Variants in HPGD observed in about 807,000 individuals in gnomAD.
HPGD encodes 15-hydroxyprostaglandin dehydrogenase [NAD(+)].
HPGD carries 29 observed loss-of-function variants against 30.0 expected under a neutral mutation model. The ratio of observed to expected loss-of-function variants is 0.97; its 90% confidence interval spans 0.72 to 1.32. The LOEUF (loss-of-function observed/expected upper bound fraction) is 1.32. Among genes scored for constraint, HPGD ranks in the 40% most tolerant of loss-of-function variants. The pLI, the probability that HPGD is intolerant of heterozygous loss-of-function variation, is 0.00. For missense variants in HPGD, 340 were observed against 322.1 expected (o/e 1.06, Z -0.43); for synonymous variants, 99 against 112.4 (o/e 0.88, Z 0.75).
At chr4:174,507,427 C>A (rs1269668201) in intron 4 of HPGD, 1 of 152,034 alleles carries the variant, frequency 6.6e-6, no homozygotes, top group East Asian at 1.9e-4. Context: ...TATAAAAGAA[C>A]CATTTGATAA....
intron 4 of HPGD, among the ~76,000 whole-genome samples, chr4:174,497,820 C>T (rs1734708609): frequency 6.6e-6 from 1 of 151,840 alleles, no homozygotes; most frequent in Non-Finnish European, 1.5e-5. Context: ...TCATGATCCA[C>T]CTGCCTTGGC....
rs560846242 is a variant in HPGD, at chr4:174,493,394, A to G, written c.499-80T>C. The G allele has an allele frequency of 8.7e-6, 12 of 1,380,040 alleles. No individual in the cohort carries two copies. The East Asian group carries it at 2.8e-4, about 32-fold the overall frequency. The allele number at this position is 1,380,040 out of a possible 1,614,324, so 85.5% of individuals were successfully genotyped here. On this transcript the variant is annotated intron_variant, in intron 5 of 6. Coordinates refer to ENST00000296522, the MANE Select transcript of HPGD (RefSeq NM_000860.6). ...CAAACTGATCATTAAAGCATCTTACAATTTTCTGATGTAAAAAATACTAAT... is the reference window on the plus strand; with the variant it reads ...CAAACTGATCATTAAAGCATCTTACGATTTTCTGATGTAAAAAATACTAAT...
intron 4 of HPGD, among the ~76,000 whole-genome samples, chr4:174,501,015 C>T (rs1734874585): frequency 6.6e-6 from 1 of 152,156 alleles, no homozygotes; most frequent in African/African-American, 2.4e-5. Context: ...CCTTGGCAAA[C>T]TGGACTGTTT....
chr4:174,504,291 T>A (rs188053178), intron 4 of HPGD, among the ~76,000 whole-genome samples: 33 of 152,292 alleles, frequency 2.2e-4, no homozygotes, highest in African/African-American at 7.5e-4. Flanking sequence ...TGCCACTGGG[T>A]TGTTACTTAA....
chr4:174,508,052 C>T (rs1337098741), intron 4 of HPGD: 5 of 692,200 alleles, frequency 7.2e-6, no homozygotes, highest in Non-Finnish European at 1.1e-5. Context: ...CATGCCTCCT[C>T]CATGTTCTTC....
At chr4:174,499,105 T>G (rs1425378764) in intron 4 of HPGD, among the ~76,000 whole-genome samples, 1 of 152,186 alleles carries the variant, frequency 6.6e-6, no homozygotes, top group Non-Finnish European at 1.5e-5. Flanking sequence ...TCCATGTGCT[T>G]CAAATAAAAA....
At chr4:174,511,343 T>C (rs1032508827) in intron 3 of HPGD, among the ~76,000 whole-genome samples, 13 of 152,256 alleles carry the variant, frequency 8.5e-5, no homozygotes, top group Non-Finnish European at 1.9e-4. Flanking sequence ...TATATCCTAC[T>C]GTTCAAGGTC....
At chr4:174,517,829 C>T (rs892800603) in intron 3 of HPGD, 142 bp downstream of exon 3, 20 of 575,146 alleles carry the variant, frequency 3.5e-5, no homozygotes, top group Non-Finnish European at 5.0e-5. Context: ...AAAGAAAATG[C>T]TTTTATCCAG....
rs191407917 is a variant in HPGD, at chr4:174,521,838, G to C, written c.217+106C>G. On this transcript the variant is annotated intron_variant, in intron 2 of 6. Coordinates refer to ENST00000296522, the MANE Select transcript of HPGD (RefSeq NM_000860.6). ...TTGGAGCTTCAAGGTAGCTGCTCTC[G>C]AGGAGGCAGCGGAGGCGGCACCCAG... 405 of 1,305,936 alleles carry C rather than the reference G, an allele frequency of 3.1e-4. 5 individuals are homozygous for C. The East Asian group carries it at 7.8e-3, about 25-fold the overall frequency. 80.9% of individuals were successfully genotyped at this position (1,305,936 alleles called of 1,614,324 possible).
intron 2 of HPGD, among the ~76,000 whole-genome samples, chr4:174,520,239 T>C (rs1412142047): frequency 6.6e-6 from 1 of 152,170 alleles, no homozygotes; most frequent in East Asian, 1.9e-4. Context: ...TGACATCCCA[T>C]TGAATTCCAG....
At chr4:174,517,872 G>A in intron 3 of HPGD, 99 bp downstream of exon 3, 2 of 665,282 alleles carry the variant, frequency 3.0e-6, no homozygotes, top group African/African-American at 1.8e-5. Context: ...AATATTGTAG[G>A]TCATTGTTTT....
chr4:174,509,791 A>G (rs1388120866), intron 3 of HPGD, among the ~76,000 whole-genome samples: 1 of 152,150 alleles, frequency 6.6e-6, no homozygotes, highest in Admixed American at 6.5e-5. Flanking sequence ...TCTGGTCTTT[A>G]GTAATGTCTA....
rs778806407 is a variant in HPGD, at chr4:174,508,772, G to T, written c.345C>A (p.Thr115=). The T allele has an allele frequency of 6.3e-7, 1 of 1,599,586 alleles. No homozygotes were observed. Among genetic ancestry groups the T allele is most frequent in the Non-Finnish European group, 8.6e-7 (1 of 1,167,268 alleles). ...TACTCATGTAATCCAAACCAAGATA[G>T]GTTCCACTGATAACAGAAACCTAAT... ...QINLVSVISG[T]YLGLDYMSKQ... The change falls in exon 4 of 7, where the codon ACC becomes ACA. Residue 115 remains threonine (T), a synonymous_variant. Coordinates refer to ENST00000296522, the MANE Select transcript of HPGD (RefSeq NM_000860.6).
At chr4:174,508,447 A>G (rs1022272535) in intron 4 of HPGD, among the ~76,000 whole-genome samples, 8 of 152,206 alleles carry the variant, frequency 5.3e-5, no homozygotes, top group Non-Finnish European at 1.2e-4. Flanking sequence ...GGCTCTAAAA[A>G]AAAATTATAT....
rs1157858768 is a variant in HPGD at position 174,508,679 on chromosome 4, G to A, written c.421+17C>T. 4 of 1,390,384 alleles carry A rather than the reference G, an allele frequency of 2.9e-6. No homozygotes were observed. The Admixed American group carries it at 5.0e-5, about 17-fold the overall frequency. 86.1% of individuals were successfully genotyped at this position (1,390,384 alleles called of 1,614,324 possible). A position where few individuals can be genotyped will look rare whatever the true frequency, so the allele number is the denominator to read the frequency against. On this transcript the variant is annotated intron_variant, in intron 4 of 6. Coordinates refer to ENST00000296522, the MANE Select transcript of HPGD (RefSeq NM_000860.6). ...CCAGTAAGAAAATGTTACATTTAATGTAATAATTGCCCTTACCTGCTAAAG... is the reference window on the plus strand; with the variant it reads ...CCAGTAAGAAAATGTTACATTTAATATAATAATTGCCCTTACCTGCTAAAG...
chr4:174,515,669 A>G (rs1735733599), intron 3 of HPGD, among the ~76,000 whole-genome samples: 1 of 152,166 alleles, frequency 6.6e-6, no homozygotes, highest in Non-Finnish European at 1.5e-5. Flanking sequence ...AGAAACTATC[A>G]AAGCAGTAAG....
chr4:174,499,319 G>T (rs774122437), intron 4 of HPGD, among the ~76,000 whole-genome samples: 1 of 152,148 alleles, frequency 6.6e-6, no homozygotes, highest in Non-Finnish European at 1.5e-5. Context: ...AACCAGCCCA[G>T]GTAGGAAGAG....
At chr4:174,497,568 C>CCTTTTTTTT (rs1560976894) in intron 4 of HPGD, among the ~76,000 whole-genome samples, 1 of 51,114 alleles carries the variant, frequency 2.0e-5, no homozygotes, top group Non-Finnish European at 4.1e-5. Flanking sequence ...CTTTTTCTTT[C>CCTTTTTTTT]TTTTTTTTTT....
intron 5 of HPGD, among the ~76,000 whole-genome samples, chr4:174,495,084 C>T (rs1184482351): frequency 2.0e-5 from 3 of 152,176 alleles, no homozygotes; most frequent in Non-Finnish European, 2.9e-5. Flanking sequence ...GGTCTGTGCA[C>T]CTTTCACCCT....
Sources: allele counts gnomAD v4.1 joint callset (sites outside exome capture counted in the v4.1 genomes callset), GRCh38; gene constraint gnomAD v4.1.1; transcripts MANE v1.5; gene names NCBI Gene and HGNC (gene_info 2026-07-23, HGNC 2026-07-21).